The following ULK4 variants were observed in gnomAD, a reference collection of about 807,000 sequenced individuals.
The protein encoded by ULK4 is inactive serine/threonine-protein kinase ULK4.
A neutral mutation model predicts 160.6 loss-of-function variants in ULK4; 133 were observed. The ratio of observed to expected loss-of-function variants is 0.83; its 90% CI spans 0.72 to 0.96. The LOEUF is 0.96. Ranked by LOEUF, ULK4 falls within the 40% of genes least tolerant of loss-of-function variation. The probability of loss-of-function intolerance (pLI) is 0.00; values close to 1 mark genes in which losing one functional copy is unlikely to be tolerated. For missense variants in ULK4, 1,580 were observed against 1,499.5 expected (o/e 1.05, Z -0.89); for synonymous variants, 534 against 539.8 (o/e 0.99, Z 0.15).
chr3:41,398,240 A>C lies in ULK4; in HGVS notation c.3517T>G (p.Phe1173Val), dbSNP rs1444260220. ...PLLPNEDPEI[F>V]DVSSKCLSIL... ...GACAGGCACTTGGATGAAACATCAA[A>C]AATCTCAGGATCTTCATTAGGAAGC... Residue 1173 changes from phenylalanine to valine, a missense_variant, in exon 35 of 37, where the codon TTT (phenylalanine) becomes GTT (valine). Coordinates refer to ENST00000301831, the MANE Select transcript of ULK4 (RefSeq NM_017886.4). 6.2e-7 allele frequency: 1 copy of C among 1,611,938 alleles called. No homozygotes were observed. Among genetic ancestry groups the C allele is most frequent in the Non-Finnish European group, 8.5e-7 (1 of 1,179,372 alleles).
At chr3:41,897,044 A>G (rs1430061183) in intron 14 of ULK4, 41 bp from the exon 15 acceptor site, 4 of 1,518,626 alleles carry the variant, frequency 2.6e-6, no homozygotes, top group Admixed American at 1.9e-5. Flanking sequence ...TATGATGAGA[A>G]AAAGAACTGC....
chr3:41,856,539 A>ATG (rs2042348592), intron 17 of ULK4, among the ~76,000 whole-genome samples: 5 of 87,878 alleles, frequency 5.7e-5, no homozygotes, highest in Admixed American at 1.3e-4. Flanking sequence ...ATATGTATGT[A>ATG]TATATATATG....
intron 32 of ULK4, among the ~76,000 whole-genome samples, chr3:41,525,933 T>C (rs886246093): frequency 6.6e-6 from 1 of 152,224 alleles, no homozygotes; most frequent in African/African-American, 2.4e-5. Context: ...CTAAAGCCTA[T>C]CTGCCACCTC....
intron 34 of ULK4, among the ~76,000 whole-genome samples, chr3:41,420,544 G>T (rs1443604774): frequency 7.8e-6 from 1 of 128,090 alleles, no homozygotes; most frequent in African/African-American, 3.0e-5. Flanking sequence ...GTGCAGTGGT[G>T]CAATCTCGGC....
chr3:41,703,042 C>T (rs960432824), intron 27 of ULK4, among the ~76,000 whole-genome samples: 7 of 151,494 alleles, frequency 4.6e-5, no homozygotes, highest in African/African-American at 4.9e-5. Context: ...TCAGTAGAGA[C>T]GGGGTTTCAC....
chr3:41,631,030 T>A (rs1366803817), intron 30 of ULK4, among the ~76,000 whole-genome samples: 1 of 152,184 alleles, frequency 6.6e-6, no homozygotes, highest in Non-Finnish European at 1.5e-5. Context: ...AATTTTTGGA[T>A]CAGTGAATCA....
chr3:41,579,847 G>A (rs1183812151), intron 31 of ULK4, among the ~76,000 whole-genome samples: 1 of 152,146 alleles, frequency 6.6e-6, no homozygotes, highest in Non-Finnish European at 1.5e-5. Context: ...CCCGCATGTT[G>A]GAGAGACGTG....
intron 12 of ULK4, among the ~76,000 whole-genome samples, chr3:41,903,433 A>G (rs1698440313): frequency 6.6e-6 from 1 of 152,142 alleles, no homozygotes; most frequent in Non-Finnish European, 1.5e-5. Flanking sequence ...AAAAATACAA[A>G]AATTAGCTGG....
intron 35 of ULK4, among the ~76,000 whole-genome samples, chr3:41,353,213 T>C (rs1021593579): frequency 6.6e-5 from 10 of 152,200 alleles, no homozygotes; most frequent in Admixed American, 3.9e-4. Flanking sequence ...CAGATTTCTG[T>C]TGACTCTTAG....
intron 32 of ULK4, among the ~76,000 whole-genome samples, chr3:41,564,723 T>G (rs1238659630): frequency 6.6e-6 from 1 of 152,036 alleles, no homozygotes; most frequent in African/African-American, 2.4e-5. Context: ...CCTCCCAAAG[T>G]GCTGGGATTA....
rs542304545 is a variant in ULK4 at position 41,301,444 on chromosome 3, G to A, written c.3679-51870C>T. Among the ~76,000 whole-genome samples, 69 of 152,192 alleles carry A rather than the reference G, an allele frequency of 4.5e-4. 1 individual carries two copies. Among genetic ancestry groups the A allele is most frequent in the African/African-American group, 1.6e-3 (68 of 41,514 alleles). ...TACACCAGGAACTGATATAACACGTGAGCACTAACTTATTTAATGGTATAT... is the reference window on the plus strand; with the variant it reads ...TACACCAGGAACTGATATAACACGTAAGCACTAACTTATTTAATGGTATAT... On this transcript the variant is annotated intron_variant, in intron 35 of 36. Coordinates refer to ENST00000301831, the MANE Select transcript of ULK4 (RefSeq NM_017886.4).
chr3:41,784,465 G>GA (rs2039945093), intron 21 of ULK4, among the ~76,000 whole-genome samples: 2 of 152,098 alleles, frequency 1.3e-5, no homozygotes, highest in African/African-American at 4.8e-5. Context: ...TGTTTAGGGG[G>GA]AAAAATGGAA....
At chr3:41,611,538 T>C (rs557743375) in intron 31 of ULK4, among the ~76,000 whole-genome samples, 1 of 152,178 alleles carries the variant, frequency 6.6e-6, no homozygotes, top group Non-Finnish European at 1.5e-5. Context: ...ACAGTCCCTT[T>C]GACTGATCTC....
intron 35 of ULK4, among the ~76,000 whole-genome samples, chr3:41,294,391 C>A (rs1335523242): frequency 6.6e-6 from 1 of 152,170 alleles, no homozygotes; most frequent in Non-Finnish European, 1.5e-5. Flanking sequence ...AAATTAATTT[C>A]TTTTCCTTAT....
chr3:41,645,237 T>G (rs573237494), intron 30 of ULK4, among the ~76,000 whole-genome samples: 1 of 151,792 alleles, frequency 6.6e-6, no homozygotes, highest in Admixed American at 6.6e-5. Context: ...TCTGCTAGCT[T>G]TTGAATGTGT....
At chr3:41,677,100 G>A (rs894749934) in intron 29 of ULK4, among the ~76,000 whole-genome samples, 5 of 151,454 alleles carry the variant, frequency 3.3e-5, no homozygotes, top group African/African-American at 1.2e-4. Flanking sequence ...CTAGAGATGG[G>A]GTTTTGCCAT....
At chr3:41,292,592 A>T (rs2079592164) in intron 35 of ULK4, among the ~76,000 whole-genome samples, 1 of 151,044 alleles carries the variant, frequency 6.6e-6, no homozygotes, top group Non-Finnish European at 1.5e-5. Flanking sequence ...AGTTTCAGTA[A>T]GCTGAGATCA....
chr3:41,762,768 T>C (rs1344613425), intron 21 of ULK4, among the ~76,000 whole-genome samples: 3 of 149,014 alleles, frequency 2.0e-5, no homozygotes, highest in Non-Finnish European at 3.0e-5. Context: ...GTTCACGCCA[T>C]TCTCCTGCCT....
intron 22 of ULK4, among the ~76,000 whole-genome samples, chr3:41,724,897 T>TTTTGTAAA (rs2037597181): frequency 1.3e-5 from 2 of 152,346 alleles, no homozygotes; most frequent in Non-Finnish European, 2.9e-5. Context: ...TAATTGACCA[T>TTTTGTAAA]CTGGAGATAA....
Sources: allele counts gnomAD v4.1 joint callset (sites outside exome capture counted in the v4.1 genomes callset), GRCh38; gene constraint gnomAD v4.1.1; transcripts MANE v1.5; gene names NCBI Gene and HGNC (gene_info 2026-07-23, HGNC 2026-07-21).